The following MIGA2 variants were observed in gnomAD, a reference collection of about 807,000 sequenced individuals.
MIGA2 encodes family with sequence similarity 73, member B.
A neutral mutation model predicts 69.9 loss-of-function variants in MIGA2; 36 were observed. That is an observed-to-expected ratio of 0.52 (90% CI 0.39 to 0.68). The LOEUF (loss-of-function observed/expected upper bound fraction) is 0.68. MIGA2 is among the 30% of genes least tolerant of loss of function. The pLI, the probability that MIGA2 is intolerant of heterozygous loss-of-function variation, is 0.00. For synonymous variants in MIGA2, 333 were observed against 349.2 expected, an observed-to-expected ratio of 0.95 and a Z score of 0.52; for missense variants, 660 against 787.7, an observed-to-expected ratio of 0.84 and a Z score of 1.94.
intron 11 of MIGA2, among the ~76,000 whole-genome samples, chr9:129,066,440 C>T (rs1438602504): frequency 2.0e-5 from 3 of 152,020 alleles, no homozygotes; most frequent in Non-Finnish European, 4.4e-5. Context: ...TTTGGGAGGC[C>T]AAGGCGGGAG....
intron 1 of MIGA2, chr9:129,037,062 C>G (rs952091915): frequency 2.0e-6 from 2 of 1,001,886 alleles, no homozygotes; most frequent in Non-Finnish European, 2.4e-6. Context: ...GAAGAAGGGG[C>G]TGCCCAAGAT....
intron 6 of MIGA2, among the ~76,000 whole-genome samples, chr9:129,051,128 G>A (rs1401901464): frequency 2.0e-5 from 3 of 151,974 alleles, no homozygotes; most frequent in African/African-American, 7.2e-5. Flanking sequence ...GACCTCAGGT[G>A]ATCTGCCTGC....
chr9:129,041,566 C>T (rs901021176), intron 2 of MIGA2, among the ~76,000 whole-genome samples: 3 of 152,174 alleles, frequency 2.0e-5, no homozygotes, highest in Admixed American at 6.5e-5. Flanking sequence ...AACTCTTGGG[C>T]TCAAGCCATC....
intron 6 of MIGA2, among the ~76,000 whole-genome samples, chr9:129,053,159 G>GGCCTC: frequency 6.6e-6 from 1 of 152,146 alleles, no homozygotes; most frequent in Non-Finnish European, 1.5e-5. Context: ...TGGCACCCTC[G>GGCCTC]GCCTCCTGGA....
At chr9:129,051,728 C>CT (rs1845554568) in intron 6 of MIGA2, among the ~76,000 whole-genome samples, 1 of 151,272 alleles carries the variant, frequency 6.6e-6, no homozygotes, top group Non-Finnish European at 1.5e-5. Flanking sequence ...TCCCCAGTAG[C>CT]TGGGACTACA....
rs17452610 is a variant in MIGA2, at chr9:129,059,589, C to T, written c.793+318C>T. On this transcript the variant is annotated intron_variant, in intron 7 of 15. Coordinates refer to ENST00000684074, the MANE Select transcript of MIGA2 (RefSeq NM_001329990.2). This position sits in a 1 kb window ranked among gnomAD's most constrained non-coding sequence, Gnocchi z 5.6. Reference sequence around the variant, plus strand: ...TGATGGCTCTCCCAGGCCTTCGCTTCGAGTCCTTTCCTGTGGCTCAAACTG... The same window carrying T: ...TGATGGCTCTCCCAGGCCTTCGCTTTGAGTCCTTTCCTGTGGCTCAAACTG... Among the ~76,000 whole-genome samples, 82 of 152,282 alleles carry T rather than the reference C, an allele frequency of 5.4e-4. No individual in the cohort carries two copies. In the East Asian group the frequency reaches 0.014, roughly 27 times the overall value.
intron 6 of MIGA2, among the ~76,000 whole-genome samples, chr9:129,057,324 C>T (rs1282768755): frequency 2.0e-5 from 3 of 151,954 alleles, no homozygotes; most frequent in African/African-American, 7.2e-5. Flanking sequence ...TGGAGTCTCG[C>T]TCTGTTGCCC....
At chr9:129,054,982 C>G (rs182802991) in intron 6 of MIGA2, among the ~76,000 whole-genome samples, 183 of 152,240 alleles carry the variant, frequency 1.2e-3, no homozygotes, top group Non-Finnish European at 2.1e-3. Context: ...ACCTCCACCC[C>G]CCAGGTTCAA....
Position 129,060,375 on chromosome 9 carries a change from T to G in MIGA2, c.794-175T>G, listed in dbSNP as rs1588402862. On this transcript the variant is annotated intron_variant, in intron 7 of 15. Coordinates refer to ENST00000684074, the MANE Select transcript of MIGA2 (RefSeq NM_001329990.2). This position sits in a 1 kb window ranked among gnomAD's most constrained non-coding sequence, Gnocchi z 4.8. ...GGAGGTCACTCACTGAGGCGAGGAG[T>G]CCAGCGTCCTCACACAGAAGCGCTT... 1.8e-6 allele frequency: 1 copy of G among 569,450 alleles called. No homozygotes were observed. Among genetic ancestry groups the G allele is most frequent in the Non-Finnish European group, 3.1e-6 (1 of 320,186 alleles). The allele number at this position is 569,450 out of a possible 1,614,324, so 35.3% of individuals were successfully genotyped here. A position where few individuals can be genotyped will look rare whatever the true frequency, so the allele number is the denominator to read the frequency against.
intron 3 of MIGA2, among the ~76,000 whole-genome samples, chr9:129,045,481 G>A (rs563754634): frequency 1.7e-4 from 25 of 147,422 alleles, no homozygotes; most frequent in Admixed American, 1.0e-3. Flanking sequence ...AAAGTAGACC[G>A]GGTGTGGTGG....
chr9:129,065,932 A>T lies in MIGA2; in HGVS notation c.1171-1841A>T, dbSNP rs544172559. Among the ~76,000 whole-genome samples, 3 of 152,078 alleles carry T rather than the reference A, an allele frequency of 2.0e-5. No homozygotes were observed. The South Asian group carries it at 6.2e-4, about 32-fold the overall frequency. ...GCTGCCTTGTCCTTCCTCCCCCGTT[A>T]TTCAGTTAGCTCCATGAGGGCCAGT... On this transcript the variant is annotated intron_variant, in intron 11 of 15. Coordinates refer to ENST00000684074, the MANE Select transcript of MIGA2 (RefSeq NM_001329990.2).
At chr9:129,051,999 T>C (rs896543569) in intron 6 of MIGA2, among the ~76,000 whole-genome samples, 1 of 151,992 alleles carries the variant, frequency 6.6e-6, no homozygotes, top group Non-Finnish European at 1.5e-5. Flanking sequence ...CTAATTTTTT[T>C]GTATTTTTAG....
intron 2 of MIGA2, 96 bp from the exon 3 acceptor site, chr9:129,042,208 G>C: frequency 8.2e-7 from 1 of 1,218,640 alleles, no homozygotes; most frequent in Non-Finnish European, 1.2e-6. Flanking sequence ...CCGGAGAGCC[G>C]GTGTGTGTCC....
intron 9 of MIGA2, among the ~76,000 whole-genome samples, chr9:129,062,662 G>GGT (rs1438303894): frequency 6.6e-6 from 1 of 151,660 alleles, no homozygotes; most frequent in African/African-American, 2.4e-5. Flanking sequence ...TGGCTAACAT[G>GGT]GTGAAACCCC....
In MIGA2 at chr9:129,040,518, C is replaced by T; in HGVS notation, c.-77C>T. On this transcript the variant is annotated 5_prime_UTR_variant, in exon 2 of 16. An upstream open reading frame in the 5' UTR gains an earlier in-frame stop. Coordinates refer to ENST00000684074, the MANE Select transcript of MIGA2 (RefSeq NM_001329990.2). ...TGGGGCGTGGATGGTGCCTGGGACCCAGCTGGCAACCAGTTGAAGACGTTC... is the reference window on the plus strand; with the variant it reads ...TGGGGCGTGGATGGTGCCTGGGACCTAGCTGGCAACCAGTTGAAGACGTTC... 6.6e-7 allele frequency: 1 copy of T among 1,521,710 alleles called. No individual in the cohort carries two copies. The highest frequency in any genetic ancestry group is 8.9e-7 in the Non-Finnish European group (1 of 1,126,786). The allele number at this position is 1,521,710 out of a possible 1,614,324, so 94.3% of individuals were successfully genotyped here.
chr9:129,046,778 T>C (rs1019607221), intron 3 of MIGA2, among the ~76,000 whole-genome samples: 21 of 151,664 alleles, frequency 1.4e-4, no homozygotes, highest in African/African-American at 5.1e-4. Context: ...ATTTTTTAAT[T>C]TTTATTTACT....
chr9:129,068,441 C>G lies in MIGA2; in HGVS notation c.1404+109C>G, dbSNP rs779377167. 6.8e-7 allele frequency: 1 copy of G among 1,467,082 alleles called. No individual in the cohort carries two copies. Among genetic ancestry groups the G allele is most frequent in the South Asian group, 1.2e-5 (1 of 81,816 alleles). 90.9% of individuals were successfully genotyped at this position (1,467,082 alleles called of 1,614,324 possible). A position where few individuals can be genotyped will look rare whatever the true frequency, so the allele number is the denominator to read the frequency against. On this transcript the variant is annotated intron_variant, in intron 13 of 15. Coordinates refer to ENST00000684074, the MANE Select transcript of MIGA2 (RefSeq NM_001329990.2). This position sits in a 1 kb window ranked among gnomAD's most constrained non-coding sequence, Gnocchi z 4.1. ...ACTGGCACCAGGGCTGGGCCCCCAC[C>G]CCCTAGATCCGCGGCTGCCAGGCCT...
intron 4 of MIGA2, among the ~76,000 whole-genome samples, chr9:129,048,794 A>G (rs1316758236): frequency 6.6e-6 from 1 of 152,164 alleles, no homozygotes; most frequent in Non-Finnish European, 1.5e-5. Context: ...AGTGCAGGTT[A>G]TTCATTCATC....
intron 1 of MIGA2, among the ~76,000 whole-genome samples, chr9:129,039,447 G>T (rs539806163): frequency 6.6e-6 from 1 of 151,810 alleles, no homozygotes. Flanking sequence ...GGGTTTCACT[G>T]TGTTAGCCAG....
Sources: gnomAD v4.1 joint callset for allele counts (sites outside exome capture counted in the v4.1 genomes callset) on GRCh38, gnomAD v4.1.1 for gene constraint, Gnocchi (gnomAD v3.1) non-coding constraint, MANE v1.5 for transcripts, NCBI Gene and HGNC (gene_info 2026-07-23, HGNC 2026-07-21) for gene names.